Variants in ARFGEF2 observed in about 807,000 individuals in gnomAD.
ARFGEF2 encodes the protein ARF guanine nucleotide exchange factor 2.
A neutral mutation model predicts 219.9 loss-of-function variants in ARFGEF2; 74 were observed. That is an observed-to-expected ratio of 0.34 (90% confidence interval 0.28 to 0.41). The LOEUF (loss-of-function observed/expected upper bound fraction) is 0.41, where lower values mean the gene tolerates loss of function less well. ARFGEF2 is among the 10% of genes least tolerant of loss of function. ARFGEF2 has a pLI of 1.00. For synonymous variants in ARFGEF2, 733 were observed against 799.2 expected, an observed-to-expected ratio of 0.92 and a Z score of 1.40; for missense variants, 1,743 against 2,218.3, an observed-to-expected ratio of 0.79 and a Z score of 4.30.
intron 14 of ARFGEF2, among the ~76,000 whole-genome samples, chr20:48,984,067 A>G (rs1171449853): frequency 6.6e-6 from 1 of 152,022 alleles, no homozygotes; most frequent in Non-Finnish European, 1.5e-5. Flanking sequence ...GTAGAGAAAG[A>G]AAAAAATAAA....
At chr20:49,003,156 CAG>C (rs111956161) in intron 25 of ARFGEF2, among the ~76,000 whole-genome samples, 9,530 of 149,352 alleles carry the variant, frequency 0.064, 972 homozygotes, top group African/African-American at 0.22. Flanking sequence ...TTAGTAGAGA[CAG>C]GGTTTCACCA....
intron 37 of ARFGEF2, among the ~76,000 whole-genome samples, chr20:49,028,957 G>A (rs1444934019): frequency 6.6e-6 from 1 of 152,208 alleles, no homozygotes; most frequent in Admixed American, 6.5e-5. Context: ...TCAGCAGGCT[G>A]GATGGAAGTC....
At chr20:48,969,398 G>A (rs539343486) in intron 9 of ARFGEF2, 121 bp downstream of exon 9, 17 of 1,580,162 alleles carry the variant, frequency 1.1e-5, no homozygotes, top group Non-Finnish European at 1.4e-5. Context: ...CAGTGTAAGT[G>A]CAGGAACGGT....
At chr20:48,936,261 C>A (rs866292592) in intron 1 of ARFGEF2, among the ~76,000 whole-genome samples, 13 of 148,466 alleles carry the variant, frequency 8.8e-5, no homozygotes, top group Non-Finnish European at 1.5e-4. Context: ...CTGACCCCCC[C>A]ACCCCTGCCG....
chr20:49,002,006 G>A (rs973542613), intron 25 of ARFGEF2, among the ~76,000 whole-genome samples: 1 of 152,198 alleles, frequency 6.6e-6, no homozygotes, highest in Non-Finnish European at 1.5e-5. Flanking sequence ...AGCAGTTTGG[G>A]AAGCTGAGGC....
chr20:48,984,622 T>C, intron 14 of ARFGEF2, 107 bp from the exon 15 acceptor site: 1 of 1,408,330 alleles, frequency 7.1e-7, no homozygotes. Flanking sequence ...AGCTTATACG[T>C]GATGGCATGT....
chr20:48,982,709 C>A (rs1331895145), intron 14 of ARFGEF2, among the ~76,000 whole-genome samples: 1 of 152,200 alleles, frequency 6.6e-6, no homozygotes, highest in East Asian at 1.9e-4. Flanking sequence ...ATGGCAGACA[C>A]CCCTCCCCCT....
intron 35 of ARFGEF2, among the ~76,000 whole-genome samples, chr20:49,025,106 G>C (rs538962022): frequency 6.6e-6 from 1 of 152,324 alleles, no homozygotes; most frequent in East Asian, 1.9e-4. Context: ...GGCCAGCCAA[G>C]CCTGCCATCA....
At chr20:48,990,016 C>T (rs894762215) in intron 20 of ARFGEF2, among the ~76,000 whole-genome samples, 1 of 152,108 alleles carries the variant, frequency 6.6e-6, no homozygotes, top group Admixed American at 6.6e-5. Context: ...CCCATCTCTA[C>T]TAAAAATATA....
intron 26 of ARFGEF2, among the ~76,000 whole-genome samples, chr20:49,005,505 G>A (rs977167992): frequency 1.3e-5 from 2 of 152,066 alleles, no homozygotes; most frequent in African/African-American, 4.8e-5. Context: ...TTAGGAGGCC[G>A]AGGCGGGTGG....
rs1443537398 is a variant in ARFGEF2, at chr20:49,034,020, C to T, written c.*821C>T. The T allele has an allele frequency of 6.6e-6, 1 of 152,208 alleles. No individual in the cohort carries two copies. The highest frequency in any genetic ancestry group is 1.5e-5 in the Non-Finnish European group (1 of 68,046). 9.4% of individuals were successfully genotyped at this position (152,208 alleles called of 1,614,324 possible). On this transcript the variant is annotated 3_prime_UTR_variant, in exon 39 of 39. Coordinates refer to ENST00000371917, the MANE Select transcript of ARFGEF2 (RefSeq NM_006420.3). Reference sequence around the variant, plus strand: ...AATTTCCAGAATACACTGTCCATCTCACACACTCTGAAATCTAATATATGA... The same window carrying T: ...AATTTCCAGAATACACTGTCCATCTTACACACTCTGAAATCTAATATATGA...
chr20:48,929,541 G>T (rs1264008984), intron 1 of ARFGEF2, among the ~76,000 whole-genome samples: 1 of 145,454 alleles, frequency 6.9e-6, no homozygotes, highest in South Asian at 2.3e-4. Flanking sequence ...CAGAGGATAT[G>T]CCCTCTAGGT....
chr20:48,999,297 C>G, intron 25 of ARFGEF2: 1 of 437,332 alleles, frequency 2.3e-6, no homozygotes, highest in South Asian at 1.6e-5. Flanking sequence ...CATCTGGGTT[C>G]TAAAACTGAC....
chr20:48,949,057 CA>C (rs1342597250), intron 3 of ARFGEF2, among the ~76,000 whole-genome samples: 1 of 152,218 alleles, frequency 6.6e-6, no homozygotes, highest in East Asian at 1.9e-4. Flanking sequence ...GATGAGAAAG[CA>C]GAACCAGAAA....
intron 6 of ARFGEF2, among the ~76,000 whole-genome samples, chr20:48,954,868 T>G (rs1425168901): frequency 1.3e-5 from 2 of 152,188 alleles, no homozygotes; most frequent in Non-Finnish European, 2.9e-5. Context: ...TCTGTGTCTG[T>G]TATCATCTTT....
intron 1 of ARFGEF2, among the ~76,000 whole-genome samples, chr20:48,926,291 G>A (rs2090876394): frequency 6.6e-6 from 1 of 152,130 alleles, no homozygotes; most frequent in African/African-American, 2.4e-5. Flanking sequence ...TTCTATAGCT[G>A]AATTTTGAGA....
At chr20:48,936,392 A>T in intron 1 of ARFGEF2, among the ~76,000 whole-genome samples, 1 of 148,652 alleles carries the variant, frequency 6.7e-6, no homozygotes, top group African/African-American at 2.5e-5. Flanking sequence ...TGCCGGGTGG[A>T]GATGCTCCTC....
chr20:48,935,867 G>A (rs2090947149), intron 1 of ARFGEF2, among the ~76,000 whole-genome samples: 1 of 131,684 alleles, frequency 7.6e-6, no homozygotes, highest in Non-Finnish European at 1.6e-5. Context: ...GCCGGGCAGA[G>A]GAGCTCCTTA....
At chr20:48,955,230 C>T (rs539521598) in intron 6 of ARFGEF2, among the ~76,000 whole-genome samples, 9 of 152,268 alleles carry the variant, frequency 5.9e-5, no homozygotes, top group East Asian at 3.9e-4. Context: ...GGTTATTGAA[C>T]GGCTGTGCTT....
Sources: allele counts gnomAD v4.1 joint callset (sites outside exome capture counted in the v4.1 genomes callset), GRCh38; gene constraint gnomAD v4.1.1; transcripts MANE v1.5; gene names NCBI Gene and HGNC (gene_info 2026-07-23, HGNC 2026-07-21).